ZC3H12B: variants seen among roughly 807,000 people sequenced by gnomAD.
ZC3H12B encodes probable ribonuclease ZC3H12B.
Under a neutral mutation model 43.9 loss-of-function variants are expected in ZC3H12B, and 7 were observed. That is an observed-to-expected ratio of 0.16 (90% CI 0.09 to 0.30). The LOEUF (loss-of-function observed/expected upper bound fraction) is 0.30, where lower values mean the gene tolerates loss of function less well. Ranked by LOEUF, ZC3H12B falls within the 10% of genes least tolerant of loss-of-function variation. The pLI, the probability that ZC3H12B is intolerant of heterozygous loss-of-function variation, is 1.00. For missense variants in ZC3H12B, 475 were observed against 670.2 expected, an observed-to-expected ratio of 0.71 and a Z score of 3.22; for synonymous variants, 222 against 241.7, an observed-to-expected ratio of 0.92 and a Z score of 0.76.
chrX:65,477,173 G>A (rs1415953991), intron 3 of ZC3H12B, among the ~76,000 whole-genome samples: 1 of 109,037 alleles, frequency 9.2e-6, no homozygotes, highest in Non-Finnish European at 1.9e-5. Context: ...CTGATGATTA[G>A]GGGTAATGGC....
At chrX:65,107,595 C>A in the ZC3H12B span, among the ~76,000 whole-genome samples, 2 of 111,271 alleles carry the variant, frequency 1.8e-5, no homozygotes, top group Non-Finnish European at 3.8e-5. Context: ...GTTCCCATAT[C>A]CCCATGTGTC....
the ZC3H12B span, among the ~76,000 whole-genome samples, chrX:65,261,210 A>G: frequency 9.0e-6 from 1 of 111,709 alleles, no homozygotes; most frequent in Non-Finnish European, 1.9e-5. Context: ...ATAGTAACAG[A>G]GCTTTCATTA....
upstream of ZC3H12B, among the ~76,000 whole-genome samples, chrX:65,362,445 G>A (rs1235409284): frequency 9.0e-6 from 1 of 110,594 alleles, no homozygotes; most frequent in African/African-American, 3.3e-5. Context: ...ATCCCCACTT[G>A]CCCAGTTCCC....
At chrX:65,320,779 C>A in the ZC3H12B span, among the ~76,000 whole-genome samples, 5 of 111,974 alleles carry the variant, frequency 4.5e-5, no homozygotes, top group East Asian at 1.4e-3. Context: ...ACAAGGCTGA[C>A]AAAAACAAGT....
At chrX:65,347,403 AC>A in the ZC3H12B span, among the ~76,000 whole-genome samples, 1 of 111,395 alleles carries the variant, frequency 9.0e-6, no homozygotes, top group Non-Finnish European at 1.9e-5. Flanking sequence ...AAAACAAACA[AC>A]CCCATCAAAA....
At chrX:65,085,681 A>G in the ZC3H12B span, among the ~76,000 whole-genome samples, 1 of 110,094 alleles carries the variant, frequency 9.1e-6, no homozygotes, top group African/African-American at 3.3e-5. Context: ...ATAAGATGGG[A>G]GGATCTCTAG....
chrX:65,442,001 C>T (rs1418516655), intron 3 of ZC3H12B, among the ~76,000 whole-genome samples: 2 of 106,314 alleles, frequency 1.9e-5, no homozygotes, highest in African/African-American at 3.5e-5. Flanking sequence ...ATATTTCAGG[C>T]TCAGCAGTTT....
chrX:65,301,078 A>T, the ZC3H12B span, among the ~76,000 whole-genome samples: 60 of 112,004 alleles, frequency 5.4e-4, 1 homozygote, highest in East Asian at 4.2e-3. Flanking sequence ...AACATATTTT[A>T]AAAAATGCCC....
At chrX:65,288,642 T>A in the ZC3H12B span, among the ~76,000 whole-genome samples, 2 of 112,175 alleles carry the variant, frequency 1.8e-5, no homozygotes, top group Non-Finnish European at 3.8e-5. Flanking sequence ...AATGTGATAC[T>A]GAGTGGGGAA....
chrX:65,215,388 A>T, the ZC3H12B span, among the ~76,000 whole-genome samples: 1 of 111,533 alleles, frequency 9.0e-6, no homozygotes, highest in African/African-American at 3.3e-5. Context: ...GATCTGGGAA[A>T]CTTGCAGCTT....
chrX:65,437,957 G>A lies in ZC3H12B; in HGVS notation n.407+39253G>A, dbSNP rs565053237. On this transcript the variant is annotated intron_variant and non_coding_transcript_variant, in intron 3 of 5. Transcript: ENST00000617377. ...AGTCTAGTTTCATTCTTCTGCATAT[G>A]GACATCCAGTTTTCCCAGTACCTCT... Among the ~76,000 whole-genome samples, 3 of 112,139 alleles carry A rather than the reference G, an allele frequency of 2.7e-5. No individual in the cohort carries two copies. The Admixed American group carries it at 2.8e-4, about 11-fold the overall frequency.
chrX:65,385,327 A>G (rs2066507352), intron 2 of ZC3H12B, among the ~76,000 whole-genome samples: 1 of 111,397 alleles, frequency 9.0e-6, no homozygotes. Context: ...TATTTCTTTG[A>G]GCAGTGGTTT....
the ZC3H12B span, among the ~76,000 whole-genome samples, chrX:65,081,651 A>G: frequency 8.9e-6 from 1 of 111,905 alleles, no homozygotes; most frequent in Non-Finnish European, 1.9e-5. Context: ...TATTAGTGGT[A>G]ATGAGAGAGA....
chrX:65,260,623 G>A, the ZC3H12B span, among the ~76,000 whole-genome samples: 1 of 112,092 alleles, frequency 8.9e-6, no homozygotes, highest in Admixed American at 9.5e-5. Context: ...GGAGAAAAGA[G>A]AATGCTCATA....
At chrX:65,123,537 C>T in the ZC3H12B span, among the ~76,000 whole-genome samples, 89 of 109,935 alleles carry the variant, frequency 8.1e-4, 1 homozygote, top group East Asian at 0.023. Context: ...TATTTTGATT[C>T]GAATTGCATT....
At chrX:65,093,056 G>T in the ZC3H12B span, among the ~76,000 whole-genome samples, 5 of 111,974 alleles carry the variant, frequency 4.5e-5, no homozygotes, top group East Asian at 1.4e-3. Flanking sequence ...CATCCCAGAA[G>T]CTCTAGCTCC....
At chrX:65,361,501 T>C in the ZC3H12B span, among the ~76,000 whole-genome samples, 46 of 112,246 alleles carry the variant, frequency 4.1e-4, no homozygotes, top group Non-Finnish European at 7.7e-4. Context: ...AAATAACACA[T>C]GTAAGTAAGG....
the ZC3H12B span, among the ~76,000 whole-genome samples, chrX:65,219,930 G>A: frequency 2.7e-5 from 3 of 109,514 alleles, no homozygotes; most frequent in African/African-American, 1.0e-4. Flanking sequence ...CAAGATGAAG[G>A]AAAGAATTTT....
chrX:65,280,650 C>G, the ZC3H12B span, among the ~76,000 whole-genome samples: 1 of 111,749 alleles, frequency 8.9e-6, no homozygotes, highest in Non-Finnish European at 1.9e-5. Flanking sequence ...GACTGACTAC[C>G]AGAAAATTGT....
Sources: gnomAD v4.1 joint callset for allele counts (sites outside exome capture counted in the v4.1 genomes callset) on GRCh38, gnomAD v4.1.1 for gene constraint, MANE v1.5 for transcripts, NCBI Gene and HGNC (gene_info 2026-07-23, HGNC 2026-07-21) for gene names.